The following MDGA2 variants were observed in gnomAD, a reference collection of about 807,000 sequenced individuals.
MDGA2 encodes the protein MAM domain containing glycosylphosphatidylinositol anchor 2, also known as MAM domain-containing glycosylphosphatidylinositol anchor protein 2.
A neutral mutation model predicts 117.8 loss-of-function variants in MDGA2; 40 were observed. The observed-to-expected ratio is 0.34, with a 90% confidence interval of 0.26 to 0.44. MDGA2 has a LOEUF of 0.44. MDGA2 is among the 20% of genes least tolerant of loss of function. The probability of loss-of-function intolerance (pLI) is 1.00; values close to 1 mark genes in which losing one functional copy is unlikely to be tolerated. For missense variants in MDGA2, 1,123 were observed against 1,250.6 expected (o/e 0.90, Z 1.54); for synonymous variants, 452 against 439.0 (o/e 1.03, Z -0.37).
At chr14:47,018,733 GAAAAAAAAAAAA>G (rs60442845) in intron 8 of MDGA2, among the ~76,000 whole-genome samples, 811 of 38,666 alleles carry the variant, frequency 0.021, 46 homozygotes, top group East Asian at 0.2. Context: ...CCATTTTACT[GAAAAAAAAAAAA>G]AAAAAAAAAA....
rs988324872 is a variant in MDGA2 at position 47,270,558 on chromosome 14, A to G, written c.420+30853T>C. Reference sequence around the variant, plus strand: ...GGAAAAGGAATGGTAATACCACTTTACATCTCTTCTTGGTTTATGTGTGGC... The same window carrying G: ...GGAAAAGGAATGGTAATACCACTTTGCATCTCTTCTTGGTTTATGTGTGGC... On this transcript the variant is annotated intron_variant, in intron 2 of 16. Coordinates refer to ENST00000399232, the MANE Select transcript of MDGA2 (RefSeq NM_001113498.3). 6.6e-5 allele frequency among the ~76,000 whole-genome samples: 10 copies of G among 152,322 alleles called. No homozygotes were observed. In the East Asian group the frequency reaches 1.9e-3, roughly 29 times the overall value.
At chr14:46,953,159 T>G (rs1306570437) in intron 9 of MDGA2, among the ~76,000 whole-genome samples, 1 of 151,920 alleles carries the variant, frequency 6.6e-6, no homozygotes, top group Non-Finnish European at 1.5e-5. Flanking sequence ...TGTTTAATCT[T>G]GTACCTCACA....
chr14:47,099,117 T>A (rs1023953680), intron 5 of MDGA2, among the ~76,000 whole-genome samples: 1 of 151,870 alleles, frequency 6.6e-6, no homozygotes. Flanking sequence ...TACCTGAAAC[T>A]AAAAATAGCC....
At chr14:47,387,453 C>T (rs1027439884) in intron 1 of MDGA2, among the ~76,000 whole-genome samples, 2 of 152,140 alleles carry the variant, frequency 1.3e-5, no homozygotes, top group African/African-American at 4.8e-5. Flanking sequence ...GTTTTTCTCT[C>T]TGTCCTCACT....
chr14:46,859,113 A>G (rs1274924641), intron 14 of MDGA2, among the ~76,000 whole-genome samples: 1 of 152,176 alleles, frequency 6.6e-6, no homozygotes, highest in Non-Finnish European at 1.5e-5. Context: ...GCTTGCATTT[A>G]GTTTAGGCTG....
chr14:47,662,141 A>G (rs1472810921), intron 1 of MDGA2, among the ~76,000 whole-genome samples: 1 of 152,148 alleles, frequency 6.6e-6, no homozygotes, highest in Non-Finnish European at 1.5e-5. Context: ...GAGAGACTGC[A>G]TACTCTGTTG....
chr14:47,215,245 C>T (rs1376766089), intron 3 of MDGA2, among the ~76,000 whole-genome samples: 1 of 151,970 alleles, frequency 6.6e-6, no homozygotes, highest in Admixed American at 6.6e-5. Context: ...AATAAATTAA[C>T]TCATTCACTT....
At chr14:47,063,103 T>C (rs1889953228) in intron 6 of MDGA2, among the ~76,000 whole-genome samples, 2 of 152,048 alleles carry the variant, frequency 1.3e-5, no homozygotes, top group Non-Finnish European at 2.9e-5. Context: ...TCACACAACA[T>C]TTATGATACT....
chr14:47,381,549 C>T (rs564056764), intron 1 of MDGA2, among the ~76,000 whole-genome samples: 185 of 152,294 alleles, frequency 1.2e-3, no homozygotes, highest in Non-Finnish European at 2.1e-3. Flanking sequence ...AAATCACAGT[C>T]ATTCCTATAC....
intron 1 of MDGA2, among the ~76,000 whole-genome samples, chr14:47,446,730 A>T (rs567782315): frequency 7.4e-6 from 1 of 135,508 alleles, no homozygotes; most frequent in South Asian, 2.3e-4. Flanking sequence ...TCCCAGAAGT[A>T]AGTAAAATTA....
In MDGA2 at chr14:47,052,012, T is replaced by C. The variant is rs527929395; in HGVS notation, c.1525+9237A>G. Among the ~76,000 whole-genome samples, 62 of 152,056 alleles carry C rather than the reference T, an allele frequency of 4.1e-4. 2 individuals carry two copies. The highest frequency in any genetic ancestry group is 6.9e-4 in the Non-Finnish European group (47 of 67,854). On this transcript the variant is annotated intron_variant, in intron 7 of 16. Transcript: ENST00000399232. ...CTGTAATGTACATTCCATTGTTAACTATAAATCTGGTGGAAGCATTTATTC... is the reference window on the plus strand; with the variant it reads ...CTGTAATGTACATTCCATTGTTAACCATAAATCTGGTGGAAGCATTTATTC...
intron 8 of MDGA2, among the ~76,000 whole-genome samples, chr14:47,017,133 T>C (rs1474337372): frequency 3.3e-5 from 5 of 151,882 alleles, no homozygotes; most frequent in African/African-American, 7.2e-5. Context: ...AGGTGCTTTA[T>C]CCTTGAAATT....
At chr14:47,002,136 T>A (rs1487115666) in intron 8 of MDGA2, among the ~76,000 whole-genome samples, 1 of 152,018 alleles carries the variant, frequency 6.6e-6, no homozygotes, top group Non-Finnish European at 1.5e-5. Context: ...ACACTAAATT[T>A]AAAAAATAAT....
At chr14:47,556,015 T>C (rs1895676090) in intron 1 of MDGA2, among the ~76,000 whole-genome samples, 1 of 152,208 alleles carries the variant, frequency 6.6e-6, no homozygotes, top group South Asian at 2.1e-4. Flanking sequence ...ATTTAGGGCC[T>C]ATCTTGAGCT....
intron 9 of MDGA2, among the ~76,000 whole-genome samples, chr14:46,921,486 A>G (rs1884128050): frequency 6.6e-6 from 1 of 151,420 alleles, no homozygotes; most frequent in African/African-American, 2.4e-5. Flanking sequence ...GAGTGTACCT[A>G]TGGTCTCAGC....
At chr14:47,662,884 T>A (rs2090719426) in intron 1 of MDGA2, among the ~76,000 whole-genome samples, 1 of 152,188 alleles carries the variant, frequency 6.6e-6, no homozygotes, top group African/African-American at 2.4e-5. Context: ...ACAAGTATAT[T>A]TAGATAAATC....
At chr14:46,948,540 TC>T (rs372115884) in intron 9 of MDGA2, among the ~76,000 whole-genome samples, 4 of 152,152 alleles carry the variant, frequency 2.6e-5, no homozygotes, top group African/African-American at 9.6e-5. Flanking sequence ...TTGGCCTGCC[TC>T]TTGGGTGTGG....
chr14:47,218,059 C>G lies in MDGA2; in HGVS notation c.557G>C (p.Gly186Ala). 6.4e-7 allele frequency: 1 copy of G among 1,550,680 alleles called. No individual in the cohort carries two copies. Among genetic ancestry groups the G allele is most frequent in the Non-Finnish European group, 8.7e-7 (1 of 1,146,340 alleles). Reference protein sequence around the residue: ...RYYCKAENGLGSPAIKSIRVD... With the variant: ...RYYCKAENGLASPAIKSIRVD... ...TCTGATTGACTTTATCGCTGGAGAC[C>G]CCAAGCCATTCTCTGCTTTACAGTA... Residue 186 changes from glycine to alanine, a missense_variant, in exon 3 of 17, where the codon GGG (glycine) becomes GCG (alanine). By Grantham distance (60) the Gly-to-Ala change is moderately conservative. Around this residue, in one of 2 missense-constraint regions of MDGA2, gnomAD observed 890 missense variants for 1,050.3 expected, o/e 0.85. Coordinates refer to ENST00000399232, the MANE Select transcript of MDGA2 (RefSeq NM_001113498.3).
chr14:47,543,331 A>C (rs1895390879), intron 1 of MDGA2, among the ~76,000 whole-genome samples: 1 of 152,196 alleles, frequency 6.6e-6, no homozygotes, highest in African/African-American at 2.4e-5. Context: ...AAAATGCAGA[A>C]AATAATAATT....
Sources: gnomAD v4.1 joint callset for allele counts (sites outside exome capture counted in the v4.1 genomes callset) on GRCh38, gnomAD v4.1.1 for gene constraint, gnomAD v4.1.1 regional missense constraint, MANE v1.5 for transcripts, NCBI Gene and HGNC (gene_info 2026-07-23, HGNC 2026-07-21) for gene names.